The following PSG11 variants were observed in gnomAD, a reference collection of about 807,000 sequenced individuals.
PSG11 encodes pregnancy-specific beta-1-glycoprotein 11.
Under a neutral mutation model 36.0 loss-of-function variants are expected in PSG11, and 42 were observed. The ratio of observed to expected loss-of-function variants is 1.17; its 90% confidence interval spans 0.91 to 1.51. The LOEUF (loss-of-function observed/expected upper bound fraction) is 1.51, where lower values mean the gene tolerates loss of function less well. PSG11 is among the 40% of genes most tolerant of loss of function. The pLI is 0.00. For missense variants in PSG11, 558 were observed against 403.5 expected, an observed-to-expected ratio of 1.38 and a Z score of -3.28; for synonymous variants, 206 against 153.5, an observed-to-expected ratio of 1.34 and a Z score of -2.53.
intron 3 of PSG11, among the ~76,000 whole-genome samples, chr19:43,016,369 C>A (rs1430342061): frequency 6.6e-6 from 1 of 151,196 alleles, no homozygotes; most frequent in Non-Finnish European, 1.5e-5. Flanking sequence ...GGCTGGCTCA[C>A]CTTGGGTTCC....
At position 43,018,299 on chromosome 19, in the gene PSG11, G is replaced by A. The variant is rs190259901; in HGVS notation, c.709+471C>T. On this transcript the variant is annotated intron_variant, in intron 3 of 5. Coordinates refer to ENST00000320078, the MANE Select transcript of PSG11 (RefSeq NM_002785.3). Reference sequence around the variant, plus strand: ...CCAGTGGGTGAGTGTCTATGAGACAGGAGAGCTTGGGGACTTCCCCTGTAT... The same window carrying A: ...CCAGTGGGTGAGTGTCTATGAGACAAGAGAGCTTGGGGACTTCCCCTGTAT... 1.8e-3 allele frequency: 414 copies of A among 230,028 alleles called. 7 individuals are homozygous for A. Among genetic ancestry groups the A allele is most frequent in the Non-Finnish European group, 2.9e-3 (335 of 115,048 alleles). The allele number at this position is 230,028 out of a possible 1,614,324, so 14.2% of individuals were successfully genotyped here.
At chr19:43,021,867 C>G (rs1967109721) in intron 2 of PSG11, among the ~76,000 whole-genome samples, 1 of 151,288 alleles carries the variant, frequency 6.6e-6, no homozygotes, top group African/African-American at 2.4e-5. Flanking sequence ...GCAGGCCTGT[C>G]CAGCCTCTGA....
chr19:43,010,317 T>A, intron 4 of PSG11: 1 of 1,506,836 alleles, frequency 6.6e-7, no homozygotes, highest in Non-Finnish European at 8.8e-7. Flanking sequence ...TGCTATTTTC[T>A]ATGTCATTGG....
At position 43,018,852 on chromosome 19, in the gene PSG11, C is replaced by A. The variant is rs142166158; in HGVS notation, c.627G>T (p.Lys209Asn). Residue 209 changes from lysine (K) to asparagine (N), a missense_variant, in exon 3 of 6, where the codon AAG (lysine) becomes AAT (asparagine). Transcript: ENST00000320078. ...CACATTCATAGGGTCCTGCAGTATA[C>A]TTTGTGACACCAAATAGAAAGAGGG... ...NRTLFLFGVT[K>N]YTAGPYECEI... 46 of 1,612,010 alleles carry A rather than the reference C, an allele frequency of 2.9e-5. 3 individuals are homozygous for A. Among genetic ancestry groups the A allele is most frequent in the Admixed American group, 8.4e-5 (5 of 59,852 alleles).
At chr19:43,019,241 G>A in intron 2 of PSG11, 193 bp from the exon 3 acceptor site, 1 of 1,244,022 alleles carries the variant, frequency 8.0e-7, no homozygotes, top group Non-Finnish European at 1.1e-6. Context: ...CCTGCTTTAT[G>A]TGGGAGAAGC....
At chr19:43,009,874 G>T (rs1330986200) in intron 5 of PSG11, 84 bp downstream of exon 5, 2 of 1,106,332 alleles carry the variant, frequency 1.8e-6, no homozygotes, top group Non-Finnish European at 2.7e-6. Context: ...TCCAGGCCCA[G>T]ATACAGGCAA....
rs762163127 is a variant in PSG11 at position 43,015,276 on chromosome 19, T to C, written c.804A>G (p.Pro268=). ...DLSCFANSNP[P]AQYSWTINGK... is the part of the protein sequence containing the mutation. ...CATTAATTGTCCAAGAATACTGTGC[T>C]GGTGGGTTAGAGTTTGCGAAGCAGG... Residue 268 remains proline, a synonymous_variant, in exon 4 of 6, where the codon CCA becomes CCG. Transcript: ENST00000320078. 52 of 1,611,376 alleles carry C rather than the reference T, an allele frequency of 3.2e-5. 1 individual carries two copies. The highest frequency in any genetic ancestry group is 5.4e-5 in the African/African-American group (4 of 74,416).
At position 43,012,396 on chromosome 19, in the gene PSG11, C is replaced by T. The variant is rs1345412417; in HGVS notation, c.965-2355G>A. On this transcript the variant is annotated intron_variant, in intron 4 of 5. Transcript: ENST00000320078. ...TAACTTGAACTTATATGTAGAAAAT[C>T]CTAAAGGTGGAACAAACTTATTAGA... Among the ~76,000 whole-genome samples the T allele has an allele frequency of 4.0e-5, 6 of 151,228 alleles. 1 individual carries two copies. The highest frequency in any genetic ancestry group is 8.8e-5 in the Non-Finnish European group (6 of 67,852).
intron 4 of PSG11, among the ~76,000 whole-genome samples, chr19:43,012,251 C>T (rs1233872645): frequency 6.6e-6 from 1 of 151,270 alleles, no homozygotes; most frequent in Non-Finnish European, 1.5e-5. Context: ...GACAAGGATG[C>T]CTGCTTTTGA....
chr19:43,012,235 G>C (rs1054600526), intron 4 of PSG11, among the ~76,000 whole-genome samples: 1 of 151,388 alleles, frequency 6.6e-6, no homozygotes, highest in South Asian at 2.1e-4. Flanking sequence ...CTATGAGCAG[G>C]AACAAGACAA....
intron 4 of PSG11, among the ~76,000 whole-genome samples, chr19:43,011,147 G>T (rs1051816885): frequency 6.6e-6 from 1 of 151,086 alleles, no homozygotes; most frequent in African/African-American, 2.4e-5. Flanking sequence ...CAAGGTTAAT[G>T]ATGATGATAG....
chr19:43,014,747 AT>A, intron 4 of PSG11: 1 of 1,230,264 alleles, frequency 8.1e-7, no homozygotes, highest in Non-Finnish European at 1.1e-6. Flanking sequence ...CTTGTAGTTC[AT>A]GGAAGAGGTA....
chr19:43,008,094 A>G, intron 5 of PSG11, 52 bp from the exon 6 acceptor site: 1 of 336,456 alleles, frequency 3.0e-6, no homozygotes, highest in Non-Finnish European at 5.7e-6. Context: ...ACTTTGAGGA[A>G]GAATCAAAGC....
Position 43,024,923 on chromosome 19 carries a change from G to C in PSG11, c.198C>G (p.Ile66Met), listed in dbSNP as rs371255385. 23 of 1,611,838 alleles carry C rather than the reference G, an allele frequency of 1.4e-5. No individual in the cohort carries two copies. Among genetic ancestry groups the C allele is most frequent in the Non-Finnish European group, 1.8e-5 (21 of 1,179,086 alleles). ...HNLPQNLTGY[I>M]WYKGQIRDLY... The stretch of plus-strand genomic sequence containing the variant: ...GGTCCCTGATTTGCCCTTTGTACCA[G>C]ATGTAGCCAGTAAGATTCTGGGGCA... The change falls in exon 2 of 6, where the codon ATC becomes ATG. Residue 66 changes from isoleucine to methionine, a missense_variant. Transcript: ENST00000320078.
chr19:43,017,299 A>G (rs1966991742), intron 3 of PSG11: 1 of 151,576 alleles, frequency 6.6e-6, no homozygotes, highest in Non-Finnish European at 1.5e-5. Flanking sequence ...AGCATCCCAA[A>G]TCTGAAAGAT....
At position 43,015,300 on chromosome 19, in the gene PSG11, G is replaced by A. The variant is rs1449499522; in HGVS notation, c.780C>T (p.Ser260=). The A allele has an allele frequency of 1.2e-6, 2 of 1,610,450 alleles. No homozygotes were observed. The highest frequency in any genetic ancestry group is 1.1e-5 in the South Asian group (1 of 90,810). The part of the protein sequence containing the change: ...SYYSGENLDL[S]CFANSNPPAQ... ...CTGGTGGGTTAGAGTTTGCGAAGCA[G>A]GACAAGTCGAGGTTCTCTCCTGAAT... The change falls in exon 4 of 6, where the codon TCC becomes TCT. Residue 260 remains serine (S), a synonymous_variant. Coordinates refer to ENST00000320078, the MANE Select transcript of PSG11 (RefSeq NM_002785.3).
intron 4 of PSG11, chr19:43,010,267 C>G (rs1402946727): frequency 1.4e-6 from 2 of 1,458,256 alleles, no homozygotes. Flanking sequence ...CTACTGCACT[C>G]AGGTATTTTG....
In PSG11 at chr19:43,026,389, A is replaced by G. The variant is rs529482797; in HGVS notation, c.-17T>C. The G allele has an allele frequency of 2.4e-4, 379 of 1,607,664 alleles. 21 individuals carry two copies. In the South Asian group the frequency reaches 2.5e-3, roughly 11 times the overall value. ...GGGCCCCATGATCTCTGCTGCGTGC[A>G]TGTTCTCCTCTGTGGAGATGAGCCT... On this transcript the variant is annotated 5_prime_UTR_variant, in exon 1 of 6. An upstream start codon of the reference 5' UTR is lost. Transcript: ENST00000320078.
At chr19:43,012,248 A>G (rs1045815093) in intron 4 of PSG11, among the ~76,000 whole-genome samples, 8 of 151,458 alleles carry the variant, frequency 5.3e-5, no homozygotes, top group South Asian at 4.2e-4. Flanking sequence ...CAAGACAAGG[A>G]TGCCTGCTTT....
Sources: gnomAD v4.1 joint callset for allele counts (sites outside exome capture counted in the v4.1 genomes callset) on GRCh38, gnomAD v4.1.1 for gene constraint, MANE v1.5 for transcripts, NCBI Gene and HGNC (gene_info 2026-07-23, HGNC 2026-07-21) for gene names.